RAB19: variants seen among roughly 807,000 people sequenced by gnomAD.
RAB19 encodes ras-related protein Rab-19.
A neutral mutation model predicts 17.3 loss-of-function variants in RAB19; 21 were observed. The ratio of observed to expected loss-of-function variants is 1.21; its 90% confidence interval spans 0.86 to 1.74. The LOEUF (loss-of-function observed/expected upper bound fraction) is 1.74. Among genes scored for constraint, RAB19 ranks in the 40% most tolerant of loss-of-function variants. The pLI, the probability that RAB19 is intolerant of heterozygous loss-of-function variation, is 0.00. For missense variants in RAB19, 277 were observed against 286.8 expected (o/e 0.97, Z 0.25); for synonymous variants, 126 against 110.4 (o/e 1.14, Z -0.88).
chr7:140,409,130 G>A (rs1394826368), intron 2 of RAB19, among the ~76,000 whole-genome samples: 2 of 152,068 alleles, frequency 1.3e-5, no homozygotes, highest in Admixed American at 6.5e-5. Flanking sequence ...TCGGGAGGCC[G>A]AGGCGGGTGG....
chr7:140,424,315 A>C (rs978885212), intron 3 of RAB19, among the ~76,000 whole-genome samples: 11 of 149,012 alleles, frequency 7.4e-5, no homozygotes, highest in African/African-American at 2.7e-4. Flanking sequence ...GCACCACCAC[A>C]CCCAGCTAAT....
Position 140,407,766 on chromosome 7 carries a change from A to T in RAB19, c.120A>T (p.Gly40=). The change falls in exon 2 of 4, where the codon GGA becomes GGT. Residue 40 remains glycine, a synonymous_variant. Transcript: ENST00000537763. ...GTGTGGTGCAGCATTTCAAGTCTGG[A>T]GTCTACACTGAGACACAGCAGAACA... The part of the protein sequence containing the change: ...KTCVVQHFKS[G]VYTETQQNTI... 6.2e-7 allele frequency: 1 copy of T among 1,611,464 alleles called. No homozygotes were observed. Among genetic ancestry groups the T allele is most frequent in the Non-Finnish European group, 8.5e-7 (1 of 1,178,740 alleles).
intron 3 of RAB19, among the ~76,000 whole-genome samples, chr7:140,414,678 C>T (rs1353764382): frequency 6.6e-6 from 1 of 152,172 alleles, no homozygotes; most frequent in Middle Eastern, 3.2e-3. Context: ...TTCGTGGCCT[C>T]CCTGCCTGAA....
rs60760231 is a variant in RAB19, at chr7:140,404,605, T to C, written c.-24+388T>C. ...CATGCAGATTGGACATTTGAGTGCA[T>C]TTTACCTTGTGTGATGAGACAGAGT... On this transcript the variant is annotated intron_variant, in intron 1 of 3. Coordinates refer to ENST00000537763, the MANE Select transcript of RAB19 (RefSeq NM_001008749.3). 8.1e-3 allele frequency among the ~76,000 whole-genome samples: 1,194 copies of C among 146,514 alleles called. 18 individuals are homozygous for C. Among genetic ancestry groups the C allele is most frequent in the African/African-American group, 0.028 (1,126 of 39,750 alleles).
intron 1 of RAB19, among the ~76,000 whole-genome samples, chr7:140,405,040 T>A (rs1394747641): frequency 6.6e-6 from 1 of 152,098 alleles, no homozygotes; most frequent in Admixed American, 6.6e-5. Flanking sequence ...TATTTAAGCA[T>A]AGGTGGACAT....
At chr7:140,421,462 C>T (rs990640042) in intron 3 of RAB19, among the ~76,000 whole-genome samples, 7 of 152,132 alleles carry the variant, frequency 4.6e-5, no homozygotes, top group South Asian at 2.1e-4. Context: ...CTAGGTTCAA[C>T]GATTCTCATG....
intron 1 of RAB19, among the ~76,000 whole-genome samples, chr7:140,405,178 A>G (rs1482008434): frequency 6.6e-6 from 1 of 150,676 alleles, no homozygotes; most frequent in African/African-American, 2.4e-5. Context: ...AGGGGAGGGG[A>G]GGGAAGAGAG....
Position 140,425,998 on chromosome 7 carries a change from A to G in RAB19, c.502A>G (p.Ile168Val), listed in dbSNP as rs767881775. ...GACATCTGCCAAGGAGTCAAAGAAC[A>G]TAGAAGAAGTCTTCGTGCTCATGGC... Reference protein sequence around the residue: ...LETSAKESKNIEEVFVLMAKE... With the variant: ...LETSAKESKNVEEVFVLMAKE... Residue 168 changes from isoleucine to valine, a missense_variant, in exon 4 of 4, where the codon ATA (isoleucine) becomes GTA (valine). Physicochemically the swap from Ile to Val is conservative, Grantham distance 29. Transcript: ENST00000537763. 3.1e-6 allele frequency: 5 copies of G among 1,614,178 alleles called. No homozygotes were observed. Among genetic ancestry groups the G allele is most frequent in the Non-Finnish European group, 4.2e-6 (5 of 1,180,038 alleles).
chr7:140,422,898 A>G (rs774125829), intron 3 of RAB19, among the ~76,000 whole-genome samples: 1 of 152,160 alleles, frequency 6.6e-6, no homozygotes, highest in Non-Finnish European at 1.5e-5. Context: ...ACTTGAGGTC[A>G]GGAGTTCAAG....
At chr7:140,410,710 A>T (rs1377710818) in intron 2 of RAB19, among the ~76,000 whole-genome samples, 1 of 151,686 alleles carries the variant, frequency 6.6e-6, no homozygotes, top group Non-Finnish European at 1.5e-5. Flanking sequence ...CCGCCACCTC[A>T]GCCTCCCAAA....
rs4726806 is a variant in RAB19, at chr7:140,425,491, C to T, written c.386-391C>T. Reference sequence around the variant, plus strand: ...CTATAATCCCAGCACTTTCGGAGGCCGAAGCAGGCGATCACCTGAGGTCAG... The same window carrying T: ...CTATAATCCCAGCACTTTCGGAGGCTGAAGCAGGCGATCACCTGAGGTCAG... On this transcript the variant is annotated intron_variant, in intron 3 of 3. Coordinates refer to ENST00000537763, the MANE Select transcript of RAB19 (RefSeq NM_001008749.3). 6.7e-3 allele frequency among the ~76,000 whole-genome samples: 1,013 copies of T among 151,678 alleles called. 51 individuals carry two copies. Among genetic ancestry groups the T allele is most frequent in the Admixed American group, 0.06 (910 of 15,170 alleles).
chr7:140,410,488 G>A lies in RAB19; in HGVS notation c.202-1386G>A, dbSNP rs573414347. Among the ~76,000 whole-genome samples, 496 of 151,876 alleles carry A rather than the reference G, an allele frequency of 3.3e-3. 3 individuals are homozygous for A. Among genetic ancestry groups the A allele is most frequent in the African/African-American group, 0.011 (468 of 41,458 alleles). On this transcript the variant is annotated intron_variant, in intron 2 of 3. Coordinates refer to ENST00000537763, the MANE Select transcript of RAB19 (RefSeq NM_001008749.3). ...ACTACAGGCGCCCGCCACGGCGCCC[G>A]GCTAATTTTTTGTATTTTTAGTAGA...
rs1799266628 is a variant in RAB19, at chr7:140,407,590, G to A, written c.-23-34G>A. 2.6e-6 allele frequency: 4 copies of A among 1,549,024 alleles called. No homozygotes were observed. In the East Asian group the frequency reaches 6.7e-5, roughly 26 times the overall value. On this transcript the variant is annotated intron_variant, in intron 1 of 3. Coordinates refer to ENST00000537763, the MANE Select transcript of RAB19 (RefSeq NM_001008749.3). ...CGTCTTGTCTTGTACTGGATCCCCA[G>A]TTCCTGGTGCTGAATTCCATCCTTT...
At chr7:140,413,312 GT>G (rs1799400417) in intron 3 of RAB19, among the ~76,000 whole-genome samples, 1 of 151,612 alleles carries the variant, frequency 6.6e-6, no homozygotes, top group Non-Finnish European at 1.5e-5. Flanking sequence ...GTCAGGCAAT[GT>G]GATTCCTCTA....
intron 3 of RAB19, among the ~76,000 whole-genome samples, chr7:140,420,123 A>G (rs1799530382): frequency 6.6e-6 from 1 of 152,152 alleles, no homozygotes; most frequent in Admixed American, 6.6e-5. Context: ...TGTGAGGGAT[A>G]AAGAAGAAGG....
At chr7:140,406,075 T>C (rs143539489) in intron 1 of RAB19, among the ~76,000 whole-genome samples, 6,064 of 151,802 alleles carry the variant, frequency 0.04, 120 homozygotes, top group Non-Finnish European at 0.044. Flanking sequence ...AAACCCTGTA[T>C]CGACTAAAAA....
intron 3 of RAB19, among the ~76,000 whole-genome samples, chr7:140,413,240 T>C (rs1263693205): frequency 6.6e-6 from 1 of 152,240 alleles, no homozygotes; most frequent in Non-Finnish European, 1.5e-5. Flanking sequence ...CATTGGTCTA[T>C]GTGTCTGTTT....
chr7:140,420,816 AC>A (rs1799548534), intron 3 of RAB19, among the ~76,000 whole-genome samples: 1 of 152,086 alleles, frequency 6.6e-6, no homozygotes, highest in Non-Finnish European at 1.5e-5. Context: ...ATCATCTTCC[AC>A]CCTGTGGAGT....
intron 3 of RAB19, among the ~76,000 whole-genome samples, chr7:140,420,186 C>T (rs958769667): frequency 6.6e-6 from 1 of 151,838 alleles, no homozygotes; most frequent in Non-Finnish European, 1.5e-5. Flanking sequence ...TTTGGGAGGC[C>T]GAGGCAGGTG....
Sources: gnomAD v4.1 joint callset for allele counts (sites outside exome capture counted in the v4.1 genomes callset) on GRCh38, gnomAD v4.1.1 for gene constraint, MANE v1.5 for transcripts, NCBI Gene and HGNC (gene_info 2026-07-23, HGNC 2026-07-21) for gene names.